Variants in DISC1 observed in about 807,000 individuals in gnomAD.
DISC1 encodes the protein DISC1 scaffold protein.
A neutral mutation model predicts 84.5 loss-of-function variants in DISC1; 57 were observed. The ratio of observed to expected loss-of-function variants is 0.67; its 90% confidence interval spans 0.55 to 0.84. The LOEUF is 0.84. Ranked by LOEUF, DISC1 falls within the 40% of genes least tolerant of loss-of-function variation. The pLI is 0.00. For synonymous variants in DISC1, 411 were observed against 415.2 expected (o/e 0.99, Z 0.12); for missense variants, 1,000 against 1,057.8 (o/e 0.95, Z 0.76).
chr1:231,832,675 T>C (rs1448055346), intron 9 of DISC1, among the ~76,000 whole-genome samples: 1 of 146,772 alleles, frequency 6.8e-6, no homozygotes, highest in East Asian at 2.2e-4. Context: ...AAAGGGATAG[T>C]AAAGAAAGCA....
intron 9 of DISC1, among the ~76,000 whole-genome samples, chr1:231,827,011 C>CA (rs1367201068): frequency 1.3e-5 from 2 of 151,422 alleles, no homozygotes; most frequent in African/African-American, 4.9e-5. Flanking sequence ...TTTTTTGAGA[C>CA]AGAGTCTCAG....
intron 6 of DISC1, among the ~76,000 whole-genome samples, chr1:231,792,698 G>T (rs547978958): frequency 6.6e-6 from 1 of 152,300 alleles, no homozygotes; most frequent in Non-Finnish European, 1.5e-5. Flanking sequence ...ACCAGTACGG[G>T]TCCATGTTGG....
At chr1:231,660,083 A>T (rs1572599962) in intron 1 of DISC1, among the ~76,000 whole-genome samples, 1 of 152,244 alleles carries the variant, frequency 6.6e-6, no homozygotes, top group East Asian at 1.9e-4. Flanking sequence ...AAAGTCTCCC[A>T]CTATTATTGT....
chr1:231,779,882 T>G (rs921589869), intron 6 of DISC1, among the ~76,000 whole-genome samples: 1 of 152,108 alleles, frequency 6.6e-6, no homozygotes, highest in African/African-American at 2.4e-5. Context: ...CTGTGTAAAT[T>G]CCTGTCTTAC....
intron 1 of DISC1, among the ~76,000 whole-genome samples, chr1:231,632,427 TTTA>T (rs1225375930): frequency 6.6e-6 from 1 of 152,228 alleles, no homozygotes; most frequent in African/African-American, 2.4e-5. Flanking sequence ...ACATTTACCG[TTTA>T]TTTTCAGAGT....
At chr1:231,773,411 G>A (rs2076703478) in intron 6 of DISC1, among the ~76,000 whole-genome samples, 5 of 152,176 alleles carry the variant, frequency 3.3e-5, no homozygotes, top group African/African-American at 9.7e-5. Context: ...TTGAGATAGA[G>A]TCTCTCTCTG....
At chr1:231,973,545 C>T (rs1341977468) in intron 10 of DISC1, among the ~76,000 whole-genome samples, 1 of 152,214 alleles carries the variant, frequency 6.6e-6, no homozygotes, top group Non-Finnish European at 1.5e-5. Flanking sequence ...GGTTTCAAAA[C>T]ATAAGAACAA....
intron 8 of DISC1, chr1:231,813,399 T>G (rs1380868121): frequency 3.3e-5 from 5 of 152,198 alleles, no homozygotes; most frequent in African/African-American, 1.2e-4. Flanking sequence ...ATTGTACATG[T>G]GGCCACCCTG....
intron 9 of DISC1, among the ~76,000 whole-genome samples, chr1:231,946,871 A>G (rs1314729309): frequency 6.6e-6 from 1 of 152,216 alleles, no homozygotes; most frequent in East Asian, 1.9e-4. Flanking sequence ...TACAAAGAGA[A>G]TAAAATACCT....
At chr1:231,964,427 C>G (rs775960406) in intron 10 of DISC1, among the ~76,000 whole-genome samples, 3 of 152,130 alleles carry the variant, frequency 2.0e-5, no homozygotes, top group Non-Finnish European at 4.4e-5. Context: ...AGTAGCTGGC[C>G]CTTCCTGTAG....
At chr1:231,769,405 A>C (rs1038104446) in intron 5 of DISC1, among the ~76,000 whole-genome samples, 3 of 152,240 alleles carry the variant, frequency 2.0e-5, no homozygotes, top group Admixed American at 6.5e-5. Flanking sequence ...AAACAAAATG[A>C]GTATGTACAT....
intron 1 of DISC1, among the ~76,000 whole-genome samples, chr1:231,667,778 C>G (rs1437594472): frequency 6.6e-6 from 1 of 152,134 alleles, no homozygotes; most frequent in East Asian, 1.9e-4. Context: ...TGCTTTGTAA[C>G]TTGTAGGACA....
At chr1:231,873,054 G>A (rs1406633687) in intron 9 of DISC1, among the ~76,000 whole-genome samples, 1 of 152,246 alleles carries the variant, frequency 6.6e-6, no homozygotes, top group African/African-American at 2.4e-5. Flanking sequence ...GGAAGAAGAT[G>A]GTGGGAGGCC....
chr1:231,825,861 G>C (rs564527990), intron 9 of DISC1, among the ~76,000 whole-genome samples: 1 of 152,136 alleles, frequency 6.6e-6, no homozygotes, highest in Non-Finnish European at 1.5e-5. Flanking sequence ...GATCCTTAGA[G>C]GTTTAAATAT....
intron 9 of DISC1, among the ~76,000 whole-genome samples, chr1:231,945,907 C>T (rs1657091407): frequency 6.6e-6 from 1 of 152,118 alleles, no homozygotes; most frequent in African/African-American, 2.4e-5. Flanking sequence ...CCCGTCTAAA[C>T]CAGGAAGGAG....
At chr1:231,759,757 C>G (rs1040038121) in intron 4 of DISC1, among the ~76,000 whole-genome samples, 5 of 151,966 alleles carry the variant, frequency 3.3e-5, no homozygotes, top group Admixed American at 1.3e-4. Flanking sequence ...TTTCTGAACC[C>G]CAAATCAGAT....
In DISC1 at chr1:231,826,616, C is replaced by T. The variant is rs537394066; in HGVS notation, c.1981+8099C>T. Among the ~76,000 whole-genome samples, 71 of 152,182 alleles carry T rather than the reference C, an allele frequency of 4.7e-4. No homozygotes were observed. The highest frequency in any genetic ancestry group is 1.6e-3 in the African/African-American group (65 of 41,528). On this transcript the variant is annotated intron_variant, in intron 9 of 12. Coordinates refer to ENST00000439617, the MANE Select transcript of DISC1 (RefSeq NM_018662.3). This position sits in a 1 kb window ranked among gnomAD's most constrained non-coding sequence, Gnocchi z 4.2. ...TATTAAAACCTCAATTCTTTATTTT[C>T]GAAGGGTGACTAGGAGAAACTTGGC...
At chr1:232,015,704 C>T (rs1013856692) in intron 11 of DISC1, among the ~76,000 whole-genome samples, 2 of 152,186 alleles carry the variant, frequency 1.3e-5, no homozygotes, top group Non-Finnish European at 2.9e-5. Flanking sequence ...GAGATGAACA[C>T]TGGAGTTCCA....
At chr1:231,709,586 G>C (rs929687598) in intron 3 of DISC1, among the ~76,000 whole-genome samples, 3 of 152,020 alleles carry the variant, frequency 2.0e-5, no homozygotes, top group Admixed American at 2.0e-4. Flanking sequence ...GGATCACGTG[G>C]AATGTTGTCA....
Sources: gnomAD v4.1 joint callset for allele counts (sites outside exome capture counted in the v4.1 genomes callset) on GRCh38, gnomAD v4.1.1 for gene constraint, Gnocchi (gnomAD v3.1) non-coding constraint, MANE v1.5 for transcripts, NCBI Gene and HGNC (gene_info 2026-07-23, HGNC 2026-07-21) for gene names.